Variants in MVP observed in about 807,000 individuals in gnomAD.
MVP encodes the protein lung resistance-related protein.
A neutral mutation model predicts 83.5 loss-of-function variants in MVP; 62 were observed. The observed-to-expected ratio is 0.74, with a 90% CI of 0.61 to 0.92. The LOEUF (loss-of-function observed/expected upper bound fraction) is 0.92. Among genes scored for constraint, MVP ranks in the 40% least tolerant of loss-of-function variants. The pLI is 0.00. For missense variants in MVP, 1,000 were observed against 1,203.4 expected (o/e 0.83, Z 2.50); for synonymous variants, 505 against 504.1 (o/e 1.00, Z -0.02).
intron 3 of MVP, 45 bp from the exon 4 acceptor site, chr16:29,833,688 G>A: frequency 3.7e-6 from 6 of 1,611,686 alleles, no homozygotes; most frequent in Non-Finnish European, 5.1e-6. Context: ...TGGCCCTGGG[G>A]TCACAGCACT....
At chr16:29,831,120 C>A in intron 3 of MVP, 47 bp downstream of exon 3, 1 of 1,562,010 alleles carries the variant, frequency 6.4e-7, no homozygotes, top group Non-Finnish European at 8.7e-7. Flanking sequence ...CTGTCCTCCA[C>A]CTGCCTTGGG....
rs771974873 is a variant in MVP, at chr16:29,833,938, C to A, written c.449C>A (p.Thr150Lys). The A allele has an allele frequency of 6.2e-7, 1 of 1,613,974 alleles. No homozygotes were observed. Among genetic ancestry groups the A allele is most frequent in the African/African-American group, 1.3e-5 (1 of 74,906 alleles). Reference sequence around the variant, plus strand: ...GACCATCACCTTCCCTCCCCAGGCACGTACATCCCCCGGAAGGAAGTGGAG... The same window carrying A: ...GACCATCACCTTCCCTCCCCAGGCAAGTACATCCCCCGGAAGGAAGTGGAG... ...GDEWLFEGPG[T>K]YIPRKEVEVV... is the part of the protein sequence containing the mutation. The change falls in exon 5 of 15, where the codon ACG (threonine) becomes AAG (lysine). Residue 150 changes from threonine to lysine, a missense_variant. Thr to Lys is a moderately conservative substitution (Grantham distance 78). Coordinates refer to ENST00000357402, the MANE Select transcript of MVP (RefSeq NM_005115.5).
At chr16:29,831,382 G>A (rs1442572328) in intron 3 of MVP, among the ~76,000 whole-genome samples, 5 of 152,076 alleles carry the variant, frequency 3.3e-5, no homozygotes, top group African/African-American at 7.2e-5. Flanking sequence ...TCAAACTCCC[G>A]ACCCCAGGTG....
chr16:29,846,029 ACAGCAGCT>A, intron 12 of MVP, 50 bp downstream of exon 12: 1 of 1,612,728 alleles, frequency 6.2e-7, no homozygotes, highest in Non-Finnish European at 8.5e-7. Context: ...GGGTCTTAGG[ACAGCAGCT>A]GGTGTGGGCA....
intron 6 of MVP, 55 bp downstream of exon 6, chr16:29,835,853 G>GT: frequency 6.9e-7 from 1 of 1,444,992 alleles, no homozygotes; most frequent in Admixed American, 1.8e-5. Context: ...AACCCTCCGA[G>GT]TGGCAGAGAA....
chr16:29,826,914 A>G (rs2067408560), intron 1 of MVP, among the ~76,000 whole-genome samples: 2 of 147,512 alleles, frequency 1.4e-5, no homozygotes, highest in South Asian at 2.1e-4. Context: ...CGACAGAGTG[A>G]GAGTCCATCT....
intron 14 of MVP, 110 bp from the exon 15 acceptor site, chr16:29,847,651 TG>T: frequency 9.0e-7 from 1 of 1,105,386 alleles, no homozygotes; most frequent in Non-Finnish European, 1.4e-6. Flanking sequence ...TCAAGCAGGG[TG>T]GTCAGATGCA....
chr16:29,846,366 G>A, intron 13 of MVP, 82 bp downstream of exon 13: 4 of 1,454,576 alleles, frequency 2.7e-6, no homozygotes, highest in Non-Finnish European at 3.6e-6. Flanking sequence ...AGACTGTATA[G>A]GACACCAGGT....
intron 3 of MVP, among the ~76,000 whole-genome samples, chr16:29,831,936 TTTTG>T (rs888961973): frequency 7.9e-5 from 12 of 152,318 alleles, no homozygotes; most frequent in South Asian, 4.1e-4. Flanking sequence ...GTTTTGGGTT[TTTTG>T]TTTGTTTGTT....
intron 13 of MVP, 36 bp from the exon 14 acceptor site, chr16:29,847,161 C>T: frequency 6.2e-7 from 1 of 1,602,858 alleles, no homozygotes; most frequent in Non-Finnish European, 8.5e-7. Context: ...CAGCCTGGGT[C>T]AAAAAATAAA....
chr16:29,833,855 T>A lies in MVP; in HGVS notation c.444T>A (p.Pro148=), dbSNP rs370121070. ...GAGATGAGTGGCTTTTCGAGGGACC[T>A]GGTAAGTTCTGTCTCCATAGGGCTC... The part of the protein sequence containing the change: ...VAGDEWLFEG[P]GTYIPRKEVE... The change falls in exon 4 of 15, where the codon CCT becomes CCA. Residue 148 remains proline (P), a splice_region_variant and synonymous_variant. Transcript: ENST00000357402. 7.4e-6 allele frequency: 12 copies of A among 1,614,066 alleles called. No homozygotes were observed. The highest frequency in any genetic ancestry group is 1.0e-5 in the Non-Finnish European group (12 of 1,180,002).
chr16:29,846,391 C>T (rs746428684), intron 13 of MVP, 107 bp downstream of exon 13: 1 of 1,413,766 alleles, frequency 7.1e-7, no homozygotes. Context: ...CAACATAAAG[C>T]CCTATCCAAG....
intron 5 of MVP, chr16:29,835,350 C>G (rs903863963): frequency 9.5e-5 from 16 of 167,722 alleles, no homozygotes; most frequent in African/African-American, 3.8e-4. Context: ...AAATATTAGC[C>G]GGGCGTGGTG....
chr16:29,830,339 G>T, intron 1 of MVP, 176 bp from the exon 2 acceptor site: 1 of 522,706 alleles, frequency 1.9e-6, no homozygotes, highest in Non-Finnish European at 3.4e-6. Context: ...GGGCTGTGTC[G>T]TCTTGGGTGG....
At position 29,831,221 on chromosome 16, in the gene MVP, A is replaced by G. The variant is rs758017407; in HGVS notation, c.321+148A>G. On this transcript the variant is annotated intron_variant, in intron 3 of 14. Coordinates refer to ENST00000357402, the MANE Select transcript of MVP (RefSeq NM_005115.5). ...GCCCAGGCTGGAGTGCAGTGGCATA[A>G]TCTCGGCTCACTGGAAGCTCCACCT... is the stretch of plus-strand genomic sequence containing the variant. 7 of 796,680 alleles carry G rather than the reference A, an allele frequency of 8.8e-6. No homozygotes were observed. In the Admixed American group the frequency reaches 1.5e-4, roughly 17 times the overall value. 49.4% of individuals were successfully genotyped at this position (796,680 alleles called of 1,614,324 possible).
intron 8 of MVP, among the ~76,000 whole-genome samples, chr16:29,840,721 CACCT>C (rs1555504995): frequency 2.0e-5 from 3 of 152,144 alleles, no homozygotes; most frequent in Non-Finnish European, 2.9e-5. Context: ...GCGGGCGGAT[CACCT>C]GAGGTCAGGA....
chr16:29,838,181 C>T (rs757543391), intron 7 of MVP, among the ~76,000 whole-genome samples: 1 of 152,082 alleles, frequency 6.6e-6, no homozygotes, highest in South Asian at 2.1e-4. Flanking sequence ...CATGTGTAAT[C>T]CCAGCACTTT....
At chr16:29,837,342 C>CAAA (rs2067496192) in intron 7 of MVP, among the ~76,000 whole-genome samples, 1 of 152,222 alleles carries the variant, frequency 6.6e-6, no homozygotes, top group African/African-American at 2.4e-5. Context: ...GCGTAGCCTG[C>CAAA]CCCTAGGCTG....
chr16:29,826,660 C>T (rs148143046), intron 1 of MVP, among the ~76,000 whole-genome samples: 246 of 148,592 alleles, frequency 1.7e-3, no homozygotes, highest in African/African-American at 5.3e-3. Flanking sequence ...TGGTGGCTCA[C>T]GCCTGTAATC....
Sources: gnomAD v4.1 joint callset for allele counts (sites outside exome capture counted in the v4.1 genomes callset) on GRCh38, gnomAD v4.1.1 for gene constraint, MANE v1.5 for transcripts, NCBI Gene and HGNC (gene_info 2026-07-23, HGNC 2026-07-21) for gene names.